MDGA2: variants seen among roughly 807,000 people sequenced by gnomAD.
The protein encoded by MDGA2 is MAM domain-containing glycosylphosphatidylinositol anchor protein 2.
MDGA2 carries 40 observed loss-of-function variants against 117.8 expected under a neutral mutation model. The ratio of observed to expected loss-of-function variants is 0.34; its 90% CI spans 0.26 to 0.44. The LOEUF (loss-of-function observed/expected upper bound fraction) is 0.44, where lower values mean the gene tolerates loss of function less well. Among genes scored for constraint, MDGA2 ranks in the 20% least tolerant of loss-of-function variants. The pLI is 1.00. For missense variants in MDGA2, 1,123 were observed against 1,250.6 expected, an observed-to-expected ratio of 0.90 and a Z score of 1.54; for synonymous variants, 452 against 439.0, an observed-to-expected ratio of 1.03 and a Z score of -0.37.
intron 1 of MDGA2, among the ~76,000 whole-genome samples, chr14:47,654,701 C>T (rs1897710729): frequency 6.6e-6 from 1 of 152,198 alleles, no homozygotes; most frequent in Admixed American, 6.5e-5. Flanking sequence ...ATCCCCAACT[C>T]TCCTACTGGC....
In MDGA2 at chr14:47,565,787, G is replaced by A. The variant is rs79990711; in HGVS notation, c.280+108730C>T. The stretch of plus-strand genomic sequence containing the variant: ...TGTGCACACATTCATACCCATGGCC[G>A]TGCTGGCATGGGGACAGGGCACTGG... On this transcript the variant is annotated intron_variant, in intron 1 of 16. Transcript: ENST00000399232. Among the ~76,000 whole-genome samples, 26 of 152,292 alleles carry A rather than the reference G, an allele frequency of 1.7e-4. No homozygotes were observed. In the East Asian group the frequency reaches 4.8e-3, roughly 28 times the overall value.
intron 1 of MDGA2, among the ~76,000 whole-genome samples, chr14:47,601,367 T>G (rs938931639): frequency 1.3e-5 from 2 of 152,110 alleles, no homozygotes; most frequent in Non-Finnish European, 2.9e-5. Context: ...TCTTCACCAG[T>G]CTCTACATCC....
At chr14:46,903,918 A>G (rs1883388594) in intron 10 of MDGA2, among the ~76,000 whole-genome samples, 1 of 152,204 alleles carries the variant, frequency 6.6e-6, no homozygotes, top group Non-Finnish European at 1.5e-5. Context: ...TGTTCATCAA[A>G]TTTGAATTGT....
intron 1 of MDGA2, among the ~76,000 whole-genome samples, chr14:47,344,194 GA>G (rs1566747851): frequency 1.3e-5 from 2 of 152,098 alleles, no homozygotes; most frequent in African/African-American, 4.8e-5. Flanking sequence ...AAAGAGGAAA[GA>G]ATCTTTAGTT....
At chr14:47,536,943 T>A (rs1425125741) in intron 1 of MDGA2, among the ~76,000 whole-genome samples, 1 of 152,158 alleles carries the variant, frequency 6.6e-6, no homozygotes, top group East Asian at 1.9e-4. Flanking sequence ...GTTAGCCACA[T>A]AACAAAAGAA....
chr14:47,565,926 T>C (rs1895909784), intron 1 of MDGA2, among the ~76,000 whole-genome samples: 1 of 151,964 alleles, frequency 6.6e-6, no homozygotes. Context: ...GCAGCAATGG[T>C]AGTTTGGAGT....
chr14:47,308,502 GTTTTT>G (rs68070912), intron 1 of MDGA2, among the ~76,000 whole-genome samples: 1 of 112,920 alleles, frequency 8.9e-6, no homozygotes, highest in Non-Finnish European at 1.9e-5. Context: ...CTTTCTGTTA[GTTTTT>G]TTTTTTTTTT....
intron 1 of MDGA2, among the ~76,000 whole-genome samples, chr14:47,562,924 G>T (rs575707677): frequency 1.3e-5 from 2 of 152,060 alleles, no homozygotes; most frequent in East Asian, 1.9e-4. Context: ...CTGGTATATT[G>T]TATCTTATCG....
At chr14:46,909,065 TG>T (rs1224253016) in intron 10 of MDGA2, among the ~76,000 whole-genome samples, 1 of 152,204 alleles carries the variant, frequency 6.6e-6, no homozygotes, top group East Asian at 1.9e-4. Flanking sequence ...GTTAATTTTT[TG>T]TCTGCTTCCT....
At chr14:46,982,073 T>C (rs958275738) in intron 8 of MDGA2, among the ~76,000 whole-genome samples, 2 of 152,206 alleles carry the variant, frequency 1.3e-5, no homozygotes, top group African/African-American at 4.8e-5. Flanking sequence ...CACCTAAATA[T>C]TAAATACTCT....
At chr14:46,864,572 T>TTTTTTTTTTTTA (rs1881660333) in intron 14 of MDGA2, among the ~76,000 whole-genome samples, 1 of 89,420 alleles carries the variant, frequency 1.1e-5, no homozygotes, top group South Asian at 4.0e-4. Context: ...TTTTTTTTTT[T>TTTTTTTTTTTTA]ACAAATTAAA....
intron 1 of MDGA2, among the ~76,000 whole-genome samples, chr14:47,547,359 C>T (rs74045164): frequency 0.016 from 2,480 of 152,270 alleles, 71 homozygotes; most frequent in African/African-American, 0.057. Context: ...CATCCTTGCA[C>T]CTCTATTTTG....
intron 1 of MDGA2, among the ~76,000 whole-genome samples, chr14:47,544,471 T>C (rs1475496978): frequency 6.6e-6 from 1 of 152,182 alleles, no homozygotes; most frequent in Non-Finnish European, 1.5e-5. Flanking sequence ...GGATGGGATA[T>C]GTCAATCATG....
At chr14:46,920,995 T>C (rs1884106191) in intron 9 of MDGA2, among the ~76,000 whole-genome samples, 1 of 152,232 alleles carries the variant, frequency 6.6e-6, no homozygotes, top group African/African-American at 2.4e-5. Flanking sequence ...TCAGTTTTTC[T>C]TAATTGCCAA....
At chr14:47,008,121 T>C (rs1030740082) in intron 8 of MDGA2, among the ~76,000 whole-genome samples, 1 of 151,906 alleles carries the variant, frequency 6.6e-6, no homozygotes. Context: ...TGGATAAATA[T>C]ATACTGAGTC....
At chr14:47,237,867 C>T (rs1824281246) in intron 2 of MDGA2, among the ~76,000 whole-genome samples, 1 of 152,174 alleles carries the variant, frequency 6.6e-6, no homozygotes, top group African/African-American at 2.4e-5. Context: ...CCCCTCTAAT[C>T]TATGTCCCAA....
At chr14:47,646,498 T>C (rs568313880) in intron 1 of MDGA2, among the ~76,000 whole-genome samples, 309 of 152,294 alleles carry the variant, frequency 2.0e-3, no homozygotes, top group Non-Finnish European at 3.2e-3. Flanking sequence ...TTCTCGGGTC[T>C]GGATCCTTGG....
chr14:47,427,122 C>T (rs965665494), intron 1 of MDGA2, among the ~76,000 whole-genome samples: 1 of 151,972 alleles, frequency 6.6e-6, no homozygotes, highest in Non-Finnish European at 1.5e-5. Flanking sequence ...ATAAACTTCC[C>T]GTAAACTGCC....
At chr14:47,422,730 A>G (rs1226080797) in intron 1 of MDGA2, among the ~76,000 whole-genome samples, 1 of 152,194 alleles carries the variant, frequency 6.6e-6, no homozygotes, top group Admixed American at 6.5e-5. Context: ...TAATCAGCTG[A>G]AATTTTTCAT....
Sources: allele counts gnomAD v4.1 joint callset (sites outside exome capture counted in the v4.1 genomes callset), GRCh38; gene constraint gnomAD v4.1.1; transcripts MANE v1.5; gene names NCBI Gene and HGNC (gene_info 2026-07-23, HGNC 2026-07-21).